Variants in UGT2B7 observed in about 807,000 individuals in gnomAD.
UGT2B7 encodes the protein UDP-glucuronosyltransferase 2B7.
A neutral mutation model predicts 51.9 loss-of-function variants in UGT2B7; 51 were observed. The observed-to-expected ratio is 0.98, with a 90% CI of 0.78 to 1.24. UGT2B7 has a LOEUF of 1.24. UGT2B7 is among the 50% of genes most tolerant of loss of function. The probability of loss-of-function intolerance (pLI) is 0.00; values close to 1 mark genes in which losing one functional copy is unlikely to be tolerated. For synonymous variants in UGT2B7, 225 were observed against 211.6 expected (o/e 1.06, Z -0.55); for missense variants, 727 against 628.4 (o/e 1.16, Z -1.68).
chr4:69,055,625 C>G (rs776147635), intron 1 of UGT2B7, among the ~76,000 whole-genome samples: 4 of 152,060 alleles, frequency 2.6e-5, no homozygotes, highest in Non-Finnish European at 5.9e-5. Flanking sequence ...TGCAATTAGC[C>G]GAACACATAG....
In UGT2B7 at chr4:69,098,448, C is replaced by T. The variant is rs552789129; in HGVS notation, c.722-92C>T. On this transcript the variant is annotated intron_variant, in intron 1 of 5. Transcript: ENST00000305231. The stretch of plus-strand genomic sequence containing the variant: ...TTTTCAAAGCACAGATATTTGCCTA[C>T]ATTTTTGCCTACATTATTCTAACCC... 11 of 1,442,494 alleles carry T rather than the reference C, an allele frequency of 7.6e-6. No homozygotes were observed. In the South Asian group the frequency reaches 1.4e-4, roughly 18 times the overall value. 89.4% of individuals were successfully genotyped at this position (1,442,494 alleles called of 1,614,324 possible). A position where few individuals can be genotyped will look rare whatever the true frequency, so the allele number is the denominator to read the frequency against.
intron 1 of UGT2B7, among the ~76,000 whole-genome samples, chr4:69,061,973 C>T (rs1156845467): frequency 6.6e-6 from 1 of 152,136 alleles, no homozygotes; most frequent in East Asian, 1.9e-4. Flanking sequence ...TGTTAAGAGA[C>T]ATTATTCCCA....
intron 1 of UGT2B7, among the ~76,000 whole-genome samples, chr4:69,073,615 A>C (rs568891405): frequency 7.2e-5 from 11 of 152,202 alleles, no homozygotes; most frequent in Non-Finnish European, 5.9e-5. Context: ...TAATGAGGAC[A>C]TGCAGGTTGC....
chr4:69,112,922 T>C lies in UGT2B7; in HGVS notation c.*186T>C, dbSNP rs2109898235. ...TTTCAGAGATTTACCACCCAGTTCA[T>C]GGTTAGAAATATTTTGTGGCAATGA... On this transcript the variant is annotated 3_prime_UTR_variant, in exon 6 of 6. Coordinates refer to ENST00000305231, the MANE Select transcript of UGT2B7 (RefSeq NM_001074.4). 1.2e-6 allele frequency: 1 copy of C among 857,178 alleles called. No homozygotes were observed. Among genetic ancestry groups the C allele is most frequent in the Non-Finnish European group, 1.6e-6 (1 of 606,344 alleles). The allele number at this position is 857,178 out of a possible 1,614,324, so 53.1% of individuals were successfully genotyped here. A position where few individuals can be genotyped will look rare whatever the true frequency, so the allele number is the denominator to read the frequency against.
intron 2 of UGT2B7, among the ~76,000 whole-genome samples, chr4:69,090,051 G>A (rs188731309): frequency 8.5e-5 from 13 of 152,066 alleles, no homozygotes; most frequent in Admixed American, 7.9e-4. Context: ...AGTGTACTTG[G>A]GTATAAAAGT....
At chr4:69,106,589 C>T (rs111852299) in intron 3 of UGT2B7, among the ~76,000 whole-genome samples, 1 of 152,114 alleles carries the variant, frequency 6.6e-6, no homozygotes, top group African/African-American at 2.4e-5. Context: ...TATAAAAGAA[C>T]CATTTATAGT....
rs182959124 is a variant in UGT2B7 at position 69,088,682 on chromosome 4, C to T, written c.-158-790C>T. 4.6e-3 allele frequency among the ~76,000 whole-genome samples: 699 copies of T among 152,214 alleles called. 4 individuals carry two copies. Among genetic ancestry groups the T allele is most frequent in the Middle Eastern group, 0.014 (4 of 294 alleles). ...CAGACTCCTCAGCGTGGCATTCCTG[C>T]TAATAGGAACACCAAGCAGTTGCTG... On this transcript the variant is annotated intron_variant, in intron 1 of 5. Coordinates refer to the UGT2B7 transcript ENST00000502942.
intron 1 of UGT2B7, among the ~76,000 whole-genome samples, chr4:69,097,530 T>G (rs572305500): frequency 6.6e-6 from 1 of 152,276 alleles, no homozygotes; most frequent in South Asian, 2.1e-4. Flanking sequence ...TACTATACAT[T>G]GTTTTACATC....
intron 1 of UGT2B7, among the ~76,000 whole-genome samples, chr4:69,068,790 G>A (rs1451754040): frequency 4.0e-5 from 6 of 151,746 alleles, no homozygotes; most frequent in Non-Finnish European, 8.8e-5. Flanking sequence ...GCACTTTTTG[G>A]TTTTGACTTG....
chr4:69,098,054 C>T (rs1236509811), intron 1 of UGT2B7, among the ~76,000 whole-genome samples: 1 of 151,984 alleles, frequency 6.6e-6, no homozygotes, highest in Non-Finnish European at 1.5e-5. Context: ...TTCAGCCATA[C>T]TCTCAACATA....
In UGT2B7 at chr4:69,108,255, G is replaced by T. The variant is rs754920475; in HGVS notation, c.1243G>T (p.Val415Leu). 1 of 1,613,718 alleles carries T rather than the reference G, an allele frequency of 6.2e-7. No homozygotes were observed. Among genetic ancestry groups the T allele is most frequent in the Admixed American group, 1.7e-5 (1 of 60,008 alleles). The change falls in exon 5 of 6, where the codon GTG (valine) becomes TTG (leucine). Residue 415 changes from valine (V) to leucine (L), a missense_variant. Transcript: ENST00000305231. The stretch of plus-strand genomic sequence containing the variant: ...GAAGGCCAGGGGAGCAGCTGTTAGA[G>T]TGGACTTCAACACAATGTCGAGTAC... ...HMKARGAAVR[V>L]DFNTMSSTDL... is the part of the protein sequence containing the mutation.
chr4:69,106,145 A>C (rs1236037806), intron 3 of UGT2B7, among the ~76,000 whole-genome samples: 1 of 152,116 alleles, frequency 6.6e-6, no homozygotes, highest in Non-Finnish European at 1.5e-5. Flanking sequence ...GGACATGTGT[A>C]GTTTTTTTAC....
intron 4 of UGT2B7, 27 bp downstream of exon 4, chr4:69,107,289 A>G (rs778529257): frequency 6.3e-7 from 1 of 1,575,154 alleles, no homozygotes. Flanking sequence ...CAAATACTGA[A>G]TATATTAGTA....
At chr4:69,077,841 A>C (rs1446784904) in intron 1 of UGT2B7, among the ~76,000 whole-genome samples, 3 of 152,186 alleles carry the variant, frequency 2.0e-5, no homozygotes, top group Non-Finnish European at 2.9e-5. Flanking sequence ...GAGAGAGGGC[A>C]TCCTTGCCTT....
At chr4:69,071,994 C>T (rs546437844) in intron 1 of UGT2B7, among the ~76,000 whole-genome samples, 1 of 151,994 alleles carries the variant, frequency 6.6e-6, no homozygotes, top group Admixed American at 6.6e-5. Flanking sequence ...CTTTGCAATT[C>T]ATAGACCATA....
chr4:69,063,901 A>C (rs1718413044), intron 1 of UGT2B7, among the ~76,000 whole-genome samples: 2 of 152,008 alleles, frequency 1.3e-5, no homozygotes, highest in South Asian at 4.1e-4. Context: ...TGATGGCTCT[A>C]AACAAGTATC....
intron 1 of UGT2B7, among the ~76,000 whole-genome samples, chr4:69,071,672 T>A (rs1219787097): frequency 6.6e-6 from 1 of 152,070 alleles, no homozygotes; most frequent in Non-Finnish European, 1.5e-5. Context: ...GTAGCAATAA[T>A]TGATAATAAA....
At chr4:69,088,692 C>T (rs1254362734) in intron 1 of UGT2B7, among the ~76,000 whole-genome samples, 1 of 152,100 alleles carries the variant, frequency 6.6e-6, no homozygotes, top group Non-Finnish European at 1.5e-5. Context: ...CTAATAGGAA[C>T]ACCAAGCAGT....
At chr4:69,077,028 TA>T (rs1470071247) in intron 1 of UGT2B7, among the ~76,000 whole-genome samples, 1 of 152,232 alleles carries the variant, frequency 6.6e-6, no homozygotes, top group Non-Finnish European at 1.5e-5. Flanking sequence ...CACCATTTAT[TA>T]AATAGGGAAT....
Sources: allele counts gnomAD v4.1 joint callset (sites outside exome capture counted in the v4.1 genomes callset), GRCh38; gene constraint gnomAD v4.1.1; transcripts MANE v1.5; gene names NCBI Gene and HGNC (gene_info 2026-07-23, HGNC 2026-07-21).